Variants in MIX23 observed in about 807,000 individuals in gnomAD.
MIX23 encodes the protein protein MIX23.
A neutral mutation model predicts 21.6 loss-of-function variants in MIX23; 13 were observed. That is an observed-to-expected ratio of 0.60 (90% CI 0.39 to 0.96). MIX23 has a LOEUF of 0.96. MIX23 is among the 40% of genes least tolerant of loss of function. The pLI is 0.00. For synonymous variants in MIX23, 59 were observed against 58.0 expected, an observed-to-expected ratio of 1.02 and a Z score of -0.08; for missense variants, 144 against 171.2, an observed-to-expected ratio of 0.84 and a Z score of 0.89.
intron 3 of MIX23, among the ~76,000 whole-genome samples, chr3:122,363,947 G>C (rs1464634129): frequency 2.6e-5 from 4 of 152,174 alleles, no homozygotes; most frequent in African/African-American, 9.7e-5. Flanking sequence ...GGAGAAAAAA[G>C]CATGAACTAT....
intron 1 of MIX23, among the ~76,000 whole-genome samples, chr3:122,378,533 T>A (rs1436190840): frequency 1.3e-5 from 2 of 152,216 alleles, no homozygotes; most frequent in Admixed American, 6.5e-5. Flanking sequence ...TATGGCCTAC[T>A]TACACACTTA....
At position 122,371,712 on chromosome 3, in the gene MIX23, A is replaced by AT; in HGVS notation, c.139dup (p.Ile47AsnfsTer2). On this transcript the variant is annotated frameshift_variant, in exon 2 of 5. Transcript: ENST00000291458. LOFTEE classifies it high-confidence loss of function. The stretch of plus-strand genomic sequence containing the variant: ...TTGTTTACAGGTTTGGCTGGCATCA[A>AT]TTTTCCCTGCAAAGGAAGCTGTTGG... 6.2e-7 allele frequency: 1 copy of AT among 1,612,642 alleles called. No individual in the cohort carries two copies. The highest frequency in any genetic ancestry group is 8.5e-7 in the Non-Finnish European group (1 of 1,179,860).
intron 4 of MIX23, among the ~76,000 whole-genome samples, chr3:122,361,189 G>T (rs2075355968): frequency 1.3e-5 from 2 of 152,226 alleles, no homozygotes; most frequent in South Asian, 4.2e-4. Context: ...GTAGATACAT[G>T]AATATTCATT....
At chr3:122,374,035 C>CA (rs1034394299) in intron 1 of MIX23, among the ~76,000 whole-genome samples, 25 of 138,512 alleles carry the variant, frequency 1.8e-4, no homozygotes, top group South Asian at 2.2e-4. Context: ...TTGGGAAGTC[C>CA]AAAAAAAAAA....
chr3:122,365,802 C>T (rs2107677757), intron 3 of MIX23, among the ~76,000 whole-genome samples: 1 of 152,346 alleles, frequency 6.6e-6, no homozygotes, highest in South Asian at 2.1e-4. Flanking sequence ...CTTTGCCCTG[C>T]AGTTTCCTTT....
intron 1 of MIX23, among the ~76,000 whole-genome samples, chr3:122,381,807 A>C (rs1397667097): frequency 6.6e-6 from 1 of 152,062 alleles, no homozygotes; most frequent in Non-Finnish European, 1.5e-5. Flanking sequence ...GAGAAGAGAT[A>C]GTGACATAGA....
intron 1 of MIX23, chr3:122,372,937 GCAA>G (rs1436078285): frequency 5.5e-6 from 2 of 363,846 alleles, no homozygotes; most frequent in African/African-American, 4.3e-5. Flanking sequence ...TGTATTAAAA[GCAA>G]CGTTTGATTC....
chr3:122,368,132 T>C (rs367980785), intron 3 of MIX23, 44 bp downstream of exon 3: 13 of 1,595,434 alleles, frequency 8.1e-6, no homozygotes, highest in African/African-American at 4.0e-5. Context: ...AAGGCTACAA[T>C]TGGAAAAACT....
intron 3 of MIX23, among the ~76,000 whole-genome samples, chr3:122,367,186 G>C (rs1411081108): frequency 1.3e-5 from 2 of 151,812 alleles, no homozygotes; most frequent in Non-Finnish European, 2.9e-5. Context: ...GAGGGAGGGT[G>C]AAGAGAATGA....
At chr3:122,370,456 CAAAAAAAAAAAA>C (rs10660235) in intron 2 of MIX23, among the ~76,000 whole-genome samples, 2 of 48,272 alleles carry the variant, frequency 4.1e-5, no homozygotes, top group East Asian at 6.2e-4. Flanking sequence ...GACACTGTCT[CAAAAAAAAAAAA>C]AAAAAAAAAA....
chr3:122,383,227 T>G lies in MIX23; in HGVS notation c.-3A>C. The stretch of plus-strand genomic sequence containing the variant: ...ACACCGCCACTGGGCGCCGCCATAT[T>G]GGACAAACACGAGGACCCCGCTGCA... On this transcript the variant is annotated 5_prime_UTR_variant, in exon 1 of 5. Coordinates refer to ENST00000291458, the MANE Select transcript of MIX23 (RefSeq NM_001017928.4). The G allele has an allele frequency of 6.2e-7, 1 of 1,612,622 alleles. No individual in the cohort carries two copies. Among genetic ancestry groups the G allele is most frequent in the South Asian group, 1.1e-5 (1 of 91,018 alleles).
At chr3:122,378,425 A>C (rs553356344) in intron 1 of MIX23, among the ~76,000 whole-genome samples, 158 of 152,354 alleles carry the variant, frequency 1.0e-3, no homozygotes, top group African/African-American at 3.5e-3. Flanking sequence ...TCAAATAGTC[A>C]TGTAGTGCTT....
chr3:122,366,944 CA>C (rs61041036), intron 3 of MIX23, among the ~76,000 whole-genome samples: 52,173 of 148,630 alleles, frequency 0.35, 10,078 homozygotes, highest in East Asian at 0.57. Context: ...TCTCAAAAAA[CA>C]AAAAAAAAAC....
intron 3 of MIX23, chr3:122,367,683 C>T: frequency 6.5e-6 from 1 of 154,466 alleles, no homozygotes; most frequent in East Asian, 1.9e-4. Flanking sequence ...ATATTTAAAT[C>T]ATACTATATT....
At chr3:122,372,446 T>G (rs1033646179) in intron 1 of MIX23, among the ~76,000 whole-genome samples, 1 of 150,808 alleles carries the variant, frequency 6.6e-6, no homozygotes, top group African/African-American at 2.4e-5. Flanking sequence ...TTTCTCTTTC[T>G]TTTTAGTTTC....
intron 2 of MIX23, among the ~76,000 whole-genome samples, chr3:122,370,829 AAAG>A (rs2075436056): frequency 6.6e-6 from 1 of 152,216 alleles, no homozygotes; most frequent in Admixed American, 6.5e-5. Flanking sequence ...TGATTTTCTC[AAAG>A]AAGACTTACC....
In MIX23 at chr3:122,367,148, G is replaced by A. The variant is rs537012244; in HGVS notation, c.324+1028C>T. Among the ~76,000 whole-genome samples, 350 of 151,980 alleles carry A rather than the reference G, an allele frequency of 2.3e-3. 2 individuals are homozygous for A. The highest frequency in any genetic ancestry group is 8.2e-3 in the African/African-American group (339 of 41,426). On this transcript the variant is annotated intron_variant, in intron 3 of 4. Coordinates refer to ENST00000291458, the MANE Select transcript of MIX23 (RefSeq NM_001017928.4). The stretch of plus-strand genomic sequence containing the variant: ...GGAAGGCAGGGAAGGATGAAGAGAA[G>A]GAGAGAGGGAGGGTGAAGAGAAGGA...
intron 4 of MIX23, among the ~76,000 whole-genome samples, chr3:122,361,167 T>A (rs1046150560): frequency 6.6e-6 from 1 of 152,234 alleles, no homozygotes; most frequent in East Asian, 1.9e-4. Flanking sequence ...ATTCAATTTC[T>A]TAAGCTGAGT....
At chr3:122,369,873 C>A (rs1161676581) in intron 2 of MIX23, among the ~76,000 whole-genome samples, 2 of 152,136 alleles carry the variant, frequency 1.3e-5, no homozygotes, top group African/African-American at 4.8e-5. Flanking sequence ...CCTTAGCCTC[C>A]CAGGTAGCTG....
Sources: gnomAD v4.1 joint callset for allele counts (sites outside exome capture counted in the v4.1 genomes callset) on GRCh38, gnomAD v4.1.1 for gene constraint, MANE v1.5 for transcripts, NCBI Gene and HGNC (gene_info 2026-07-23, HGNC 2026-07-21) for gene names.